AACS: variants seen among roughly 807,000 people sequenced by gnomAD.
AACS encodes the protein acetoacetyl-CoA synthetase, also known as acetoacetate-CoA ligase.
AACS carries 69 observed loss-of-function variants against 83.1 expected under a neutral mutation model. That is an observed-to-expected ratio of 0.83 (90% CI 0.68 to 1.01). AACS has a LOEUF of 1.01. Ranked by LOEUF, AACS falls within the 50% of genes least tolerant of loss-of-function variation. The pLI is 0.00. For synonymous variants in AACS, 333 were observed against 343.4 expected (o/e 0.97, Z 0.33); for missense variants, 866 against 882.2 (o/e 0.98, Z 0.23).
chr12:125,073,624 A>G (rs535812417), intron 1 of AACS, among the ~76,000 whole-genome samples: 120 of 152,322 alleles, frequency 7.9e-4, no homozygotes, highest in Non-Finnish European at 1.3e-3. Context: ...CTATGTTCTT[A>G]GGCATGGTAG....
intron 13 of AACS, 173 bp downstream of exon 13, chr12:125,128,447 G>A (rs965406588): frequency 7.7e-6 from 4 of 521,428 alleles, no homozygotes; most frequent in East Asian, 3.3e-5. Flanking sequence ...AACACCCGCC[G>A]GGCTTCTGGT....
intron 8 of AACS, among the ~76,000 whole-genome samples, chr12:125,111,116 C>T (rs1194793812): frequency 6.6e-6 from 1 of 152,186 alleles, no homozygotes; most frequent in African/African-American, 2.4e-5. Flanking sequence ...GGAGTTGCCT[C>T]TTTGCAGGCA....
At chr12:125,073,361 TCTG>T (rs1955928958) in intron 1 of AACS, among the ~76,000 whole-genome samples, 1 of 152,214 alleles carries the variant, frequency 6.6e-6, no homozygotes, top group African/African-American at 2.4e-5. Context: ...GTTTTGAACT[TCTG>T]GGTTTTCCAA....
chr12:125,069,115 A>T (rs144900731), intron 1 of AACS, among the ~76,000 whole-genome samples: 3,699 of 152,258 alleles, frequency 0.024, 161 homozygotes, highest in African/African-American at 0.083. Context: ...TGCTGGGATT[A>T]CAGGCGTGAG....
chr12:125,118,492 G>A (rs904956220), intron 9 of AACS, 149 bp from the exon 10 acceptor site: 1 of 1,023,222 alleles, frequency 9.8e-7, no homozygotes, highest in Non-Finnish European at 1.4e-6. Context: ...GAGTTGCCGG[G>A]CCAGAGTGTC....
intron 1 of AACS, 96 bp from the exon 2 acceptor site, chr12:125,073,779 CG>C: frequency 1.0e-6 from 1 of 977,732 alleles, no homozygotes; most frequent in East Asian, 2.5e-5. Context: ...GAATTTGGCT[CG>C]CTTGGACATG....
At chr12:125,083,455 A>G (rs1008370625) in intron 3 of AACS, among the ~76,000 whole-genome samples, 4 of 152,072 alleles carry the variant, frequency 2.6e-5, no homozygotes, top group East Asian at 3.8e-4. Flanking sequence ...CCGGCTACAC[A>G]CTGTCCCTTC....
intron 7 of AACS, among the ~76,000 whole-genome samples, 198 bp from the exon 8 acceptor site, chr12:125,106,923 T>A (rs1023575857): frequency 1.3e-5 from 2 of 152,164 alleles, no homozygotes; most frequent in African/African-American, 4.8e-5. Context: ...TTCGATGAGT[T>A]TTCCTTCAAT....
At chr12:125,083,794 C>T (rs1163843685) in intron 3 of AACS, among the ~76,000 whole-genome samples, 1 of 151,996 alleles carries the variant, frequency 6.6e-6, no homozygotes, top group Non-Finnish European at 1.5e-5. Context: ...GCTGGGATTA[C>T]AGGCGTCCAC....
rs908075258 is a variant in AACS at position 125,080,822 on chromosome 12, G to T, written c.358+4211G>T. Among the ~76,000 whole-genome samples, 3 of 151,742 alleles carry T rather than the reference G, an allele frequency of 2.0e-5. 1 individual carries two copies. The highest frequency in any genetic ancestry group is 7.3e-5 in the African/African-American group (3 of 41,338). ...TTCTCCTGCCTCAGCCTCCCGAGTA[G>T]CTGGGACTACAGGCGCCCGCCACCA... On this transcript the variant is annotated intron_variant, in intron 3 of 17. Coordinates refer to ENST00000316519, the MANE Select transcript of AACS (RefSeq NM_023928.5).
At chr12:125,100,358 TTCCCTG>T (rs1280774379) in intron 5 of AACS, among the ~76,000 whole-genome samples, 2 of 152,240 alleles carry the variant, frequency 1.3e-5, no homozygotes, top group Non-Finnish European at 2.9e-5. Flanking sequence ...CTCTTTTTCT[TTCCCTG>T]GCTACCTAAT....
At chr12:125,081,131 T>G (rs1220641721) in intron 3 of AACS, among the ~76,000 whole-genome samples, 1 of 152,286 alleles carries the variant, frequency 6.6e-6, no homozygotes, top group East Asian at 1.9e-4. Context: ...TAGCTAGGGT[T>G]GCACGCGTGC....
At chr12:125,134,902 G>A in intron 16 of AACS, 50 bp downstream of exon 16, 2 of 1,606,740 alleles carry the variant, frequency 1.2e-6, no homozygotes, top group Non-Finnish European at 8.5e-7. Context: ...GAAGGAGGAG[G>A]GTCCTGGCGG....
At chr12:125,103,646 T>C (rs1232963643) in intron 7 of AACS, among the ~76,000 whole-genome samples, 1 of 152,192 alleles carries the variant, frequency 6.6e-6, no homozygotes, top group Non-Finnish European at 1.5e-5. Flanking sequence ...TTTCTGACAT[T>C]TGTAGAAGAA....
At chr12:125,131,334 C>T (rs1235420637) in intron 14 of AACS, among the ~76,000 whole-genome samples, 2 of 152,106 alleles carry the variant, frequency 1.3e-5, no homozygotes, top group Non-Finnish European at 2.9e-5. Context: ...GCCTCAGCCT[C>T]CTAAGTAGCT....
In AACS at chr12:125,124,698, A is replaced by C; in HGVS notation, c.1122-7A>C. 1 of 1,613,652 alleles carries C rather than the reference A, an allele frequency of 6.2e-7. No homozygotes were observed. The highest frequency in any genetic ancestry group is 1.7e-4 in the Middle Eastern group (1 of 5,732). On this transcript the variant is annotated splice_region_variant and splice_polypyrimidine_tract_variant and intron_variant, in intron 10 of 17. Transcript: ENST00000316519. ...TTCTGGTGTTTTCTTTCCCGCCTGC[A>C]CCCTAGCATCACTGTCCTGGTAACT...
rs539978346 is a variant in AACS, at chr12:125,077,299, A to G, written c.358+688A>G. Among the ~76,000 whole-genome samples the G allele has an allele frequency of 1.9e-4, 29 of 152,080 alleles. No individual in the cohort carries two copies. In the South Asian group the frequency reaches 3.1e-3, roughly 16 times the overall value. ...GCCAAGGTGGGCGGATCACGAGGTC[A>G]GGAGATCGAGACTGTCCTGGCTAAC... On this transcript the variant is annotated intron_variant, in intron 3 of 17. Transcript: ENST00000316519.
intron 9 of AACS, chr12:125,117,857 A>G (rs1195677718): frequency 6.6e-6 from 1 of 151,960 alleles, no homozygotes; most frequent in Non-Finnish European, 1.5e-5. Flanking sequence ...GGTGGCTCAC[A>G]TCTGTGGTCC....
At position 125,101,762 on chromosome 12, in the gene AACS, C is replaced by CTTTTTTTTT. The variant is rs11407276; in HGVS notation, c.571-903_571-895dup. ...CAGATATAAGTTGTGCTTTGATCAA[C>CTTTTTTTTT]TTTTTTTTTTTTTTTTTTTTTTGAG... On this transcript the variant is annotated intron_variant, in intron 5 of 17. Coordinates refer to ENST00000316519, the MANE Select transcript of AACS (RefSeq NM_023928.5). 8.6e-5 allele frequency: 9 copies of CTTTTTTTTT among 104,164 alleles called. 2 individuals are homozygous for CTTTTTTTTT. Among genetic ancestry groups the CTTTTTTTTT allele is most frequent in the Admixed American group, 2.6e-4 (2 of 7,594 alleles). 6.5% of individuals were successfully genotyped at this position (104,164 alleles called of 1,614,324 possible).
Sources: allele counts gnomAD v4.1 joint callset (sites outside exome capture counted in the v4.1 genomes callset), GRCh38; gene constraint gnomAD v4.1.1; transcripts MANE v1.5; gene names NCBI Gene and HGNC (gene_info 2026-07-23, HGNC 2026-07-21).